Variants in RNF32 observed in about 807,000 individuals in gnomAD.
The protein encoded by RNF32 is ring finger protein 32.
A neutral mutation model predicts 41.0 loss-of-function variants in RNF32; 36 were observed. The ratio of observed to expected loss-of-function variants is 0.88; its 90% CI spans 0.67 to 1.16. The LOEUF is 1.16. RNF32 is among the 50% of genes most tolerant of loss of function. RNF32 has a pLI of 0.00. For synonymous variants in RNF32, 154 were observed against 160.9 expected, an observed-to-expected ratio of 0.96 and a Z score of 0.32; for missense variants, 413 against 436.7, an observed-to-expected ratio of 0.95 and a Z score of 0.48.
At chr7:156,671,009 A>C (rs1451308465) in intron 7 of RNF32, among the ~76,000 whole-genome samples, 1 of 152,186 alleles carries the variant, frequency 6.6e-6, no homozygotes, top group Non-Finnish European at 1.5e-5. Flanking sequence ...GGAGAGGAAA[A>C]TTAAGTATGC....
chr7:156,657,976 T>C, intron 5 of RNF32, 152 bp from the exon 6 acceptor site: 1 of 740,346 alleles, frequency 1.4e-6, no homozygotes. Context: ...TGGTAGCACC[T>C]GATGAAGCCT....
intron 3 of RNF32, among the ~76,000 whole-genome samples, chr7:156,652,611 C>T (rs1798895635): frequency 6.6e-6 from 1 of 152,070 alleles, no homozygotes; most frequent in African/African-American, 2.4e-5. Flanking sequence ...ATTCCTACCA[C>T]TTCATGACGT....
chr7:156,650,027 T>TC (rs1798506495), intron 3 of RNF32, among the ~76,000 whole-genome samples: 2 of 151,080 alleles, frequency 1.3e-5, no homozygotes, highest in East Asian at 1.9e-4. Flanking sequence ...GGCCTGAGGC[T>TC]TTTTTTCCTT....
chr7:156,676,255 A>ATATG, intron 8 of RNF32, 164 bp from the exon 9 acceptor site: 1 of 1,539,372 alleles, frequency 6.5e-7, no homozygotes, highest in Non-Finnish European at 8.8e-7. Context: ...GTATATATAT[A>ATATG]TGTATATATA....
chr7:156,674,322 C>G (rs952948365), intron 7 of RNF32, among the ~76,000 whole-genome samples: 1 of 152,234 alleles, frequency 6.6e-6, no homozygotes, highest in Non-Finnish European at 1.5e-5. Flanking sequence ...AACTACTTCA[C>G]GTGGCCCCAC....
chr7:156,655,755 T>C (rs925354024), intron 4 of RNF32, among the ~76,000 whole-genome samples: 5 of 152,272 alleles, frequency 3.3e-5, no homozygotes, highest in African/African-American at 4.8e-5. Context: ...GGACAGATTT[T>C]AGCCCTGAAA....
intron 7 of RNF32, chr7:156,658,895 A>G: frequency 6.5e-7 from 1 of 1,549,692 alleles, no homozygotes; most frequent in Non-Finnish European, 8.7e-7. Flanking sequence ...AATTTTTCCC[A>G]TCTCCTGGGC....
intron 8 of RNF32, 190 bp from the exon 9 acceptor site, chr7:156,676,229 C>G: frequency 1.3e-6 from 2 of 1,497,494 alleles, no homozygotes; most frequent in Admixed American, 4.2e-5. Context: ...CCAGGAGTAA[C>G]AGAGTATATG....
At chr7:156,659,298 T>A (rs1800235465) in intron 7 of RNF32, 1 of 1,000,490 alleles carries the variant, frequency 1.0e-6, no homozygotes, top group Non-Finnish European at 1.2e-6. Context: ...TCTGTATTTA[T>A]TATCACTATT....
chr7:156,658,584 A>G lies in RNF32; in HGVS notation c.684+14A>G, dbSNP rs375655962. 5.1e-4 allele frequency: 773 copies of G among 1,524,664 alleles called. No individual in the cohort carries two copies. Among genetic ancestry groups the G allele is most frequent in the Non-Finnish European group, 6.5e-4 (711 of 1,098,878 alleles). 94.4% of individuals were successfully genotyped at this position (1,524,664 alleles called of 1,614,324 possible). A position where few individuals can be genotyped will look rare whatever the true frequency, so the allele number is the denominator to read the frequency against. On this transcript the variant is annotated intron_variant, in intron 7 of 8. Coordinates refer to ENST00000317955, the MANE Select transcript of RNF32 (RefSeq NM_030936.4). The stretch of plus-strand genomic sequence containing the variant: ...TTTGAAAAAAAGGTAGGTAAAGATC[A>G]TTATGTTCTCCAGATATGGTCTCCG...
intron 7 of RNF32, among the ~76,000 whole-genome samples, chr7:156,664,575 T>C (rs954734612): frequency 6.6e-6 from 1 of 152,266 alleles, no homozygotes; most frequent in Admixed American, 6.5e-5. Flanking sequence ...AAGTGGAGAA[T>C]TTCCTTGTAT....
At chr7:156,671,740 C>G (rs2131665540) in intron 7 of RNF32, among the ~76,000 whole-genome samples, 1 of 152,262 alleles carries the variant, frequency 6.6e-6, no homozygotes, top group Admixed American at 6.5e-5. Flanking sequence ...CCCAGTCGTC[C>G]TAGTATCTCA....
intron 7 of RNF32, among the ~76,000 whole-genome samples, chr7:156,673,635 C>T (rs1042334266): frequency 6.6e-6 from 1 of 152,218 alleles, no homozygotes; most frequent in Non-Finnish European, 1.5e-5. Context: ...CCACCCCCTT[C>T]ATTCAAACCC....
intron 4 of RNF32, among the ~76,000 whole-genome samples, chr7:156,655,100 C>T (rs1238384158): frequency 6.6e-6 from 1 of 151,910 alleles, no homozygotes; most frequent in African/African-American, 2.4e-5. Flanking sequence ...AAAAAAAAAA[C>T]TGTGCTTGAA....
chr7:156,664,130 G>A (rs1801019665), intron 7 of RNF32, among the ~76,000 whole-genome samples: 1 of 152,224 alleles, frequency 6.6e-6, no homozygotes, highest in African/African-American at 2.4e-5. Context: ...TTGCGTGATT[G>A]CCACCGTGGC....
At chr7:156,675,274 A>G (rs1289719645) in intron 7 of RNF32, among the ~76,000 whole-genome samples, 1 of 152,222 alleles carries the variant, frequency 6.6e-6, no homozygotes, top group African/African-American at 2.4e-5. Context: ...GAACCACGGC[A>G]AGGCCTGTGT....
intron 7 of RNF32, chr7:156,658,979 C>G (rs1412948257): frequency 6.6e-7 from 1 of 1,506,814 alleles, no homozygotes; most frequent in Non-Finnish European, 8.8e-7. Flanking sequence ...AATAAAGCCC[C>G]CACATGCTAC....
chr7:156,662,806 G>A (rs923539367), intron 7 of RNF32, among the ~76,000 whole-genome samples: 20 of 149,588 alleles, frequency 1.3e-4, no homozygotes, highest in African/African-American at 4.4e-4. Flanking sequence ...GAGCATCTCC[G>A]TTTTTACTGA....
In RNF32 at chr7:156,657,525, G is replaced by T. The variant is rs1307943866; in HGVS notation, c.418-16G>T. On this transcript the variant is annotated splice_polypyrimidine_tract_variant and intron_variant, in intron 4 of 8. Transcript: ENST00000317955. The stretch of plus-strand genomic sequence containing the variant: ...CTTTTGTAAACTTCAACGTCGTTCT[G>T]TTTCCTCATGAACAGGTGCTGCTTT... The T allele has an allele frequency of 6.2e-7, 1 of 1,613,892 alleles. No individual in the cohort carries two copies. The highest frequency in any genetic ancestry group is 1.3e-5 in the African/African-American group (1 of 74,914).
Sources: allele counts gnomAD v4.1 joint callset (sites outside exome capture counted in the v4.1 genomes callset), GRCh38; gene constraint gnomAD v4.1.1; transcripts MANE v1.5; gene names NCBI Gene and HGNC (gene_info 2026-07-23, HGNC 2026-07-21).